Variants in VPS8 observed in about 807,000 individuals in gnomAD.
The protein encoded by VPS8 is vacuolar protein sorting-associated protein 8 homolog.
A neutral mutation model predicts 216.4 loss-of-function variants in VPS8; 129 were observed. The ratio of observed to expected loss-of-function variants is 0.60; its 90% CI spans 0.52 to 0.69. The LOEUF (loss-of-function observed/expected upper bound fraction) is 0.69, where lower values mean the gene tolerates loss of function less well. VPS8 is among the 30% of genes least tolerant of loss of function. VPS8 has a pLI of 0.00. For synonymous variants in VPS8, 571 were observed against 565.4 expected (o/e 1.01, Z -0.14); for missense variants, 1,531 against 1,683.5 (o/e 0.91, Z 1.59).
At chr3:185,047,966 G>GT (rs1328867106) in intron 46 of VPS8, among the ~76,000 whole-genome samples, 2 of 152,306 alleles carry the variant, frequency 1.3e-5, no homozygotes, top group African/African-American at 4.8e-5. Flanking sequence ...CATGGCTGCT[G>GT]TAAGAGCAGG....
In VPS8 at chr3:184,838,694, T is replaced by A. The variant is rs1333959608; in HGVS notation, c.448-20T>A. The A allele has an allele frequency of 4.4e-5, 68 of 1,529,012 alleles. 1 individual carries two copies. The Admixed American group carries it at 1.5e-3, about 33-fold the overall frequency. 94.7% of individuals were successfully genotyped at this position (1,529,012 alleles called of 1,614,324 possible). On this transcript the variant is annotated intron_variant, in intron 5 of 47. Transcript: ENST00000625842. ...AAAATGAGAATATTTTTCAAATACT[T>A]TCTTTAAAATTTCATTTAGGACAAA...
intron 47 of VPS8, 40 bp from the exon 48 acceptor site, chr3:185,051,836 T>A: frequency 6.6e-7 from 1 of 1,526,078 alleles, no homozygotes; most frequent in Non-Finnish European, 8.8e-7. Flanking sequence ...TTCCCTCTGC[T>A]CCCCACAAAC....
At chr3:184,985,276 G>T (rs1409482883) in intron 42 of VPS8, among the ~76,000 whole-genome samples, 1 of 152,194 alleles carries the variant, frequency 6.6e-6, no homozygotes, top group Admixed American at 6.5e-5. Context: ...ATCATTAGCA[G>T]CAGAACCTGG....
At chr3:184,894,524 A>ATATATATATG (rs1448197250) in intron 22 of VPS8, among the ~76,000 whole-genome samples, 179 bp from the exon 23 acceptor site, 1 of 137,772 alleles carries the variant, frequency 7.3e-6, no homozygotes, top group African/African-American at 2.7e-5. Context: ...ATATATATAT[A>ATATATATATG]TATATATACA....
At position 184,947,091 on chromosome 3, in the gene VPS8, G is replaced by A. The variant is rs930891774; in HGVS notation, c.3035+6848G>A. 4.6e-5 allele frequency among the ~76,000 whole-genome samples: 7 copies of A among 152,312 alleles called. No homozygotes were observed. The East Asian group carries it at 1.4e-3, about 29-fold the overall frequency. On this transcript the variant is annotated intron_variant, in intron 36 of 47. Transcript: ENST00000625842. ...TTCCAGCCTAGTAAAAGGTGGAGAC[G>A]TGTGGAGAGATAGTAAAATCTGTTC... is the stretch of plus-strand genomic sequence containing the variant.
chr3:185,024,806 C>G (rs1000635677), intron 46 of VPS8, among the ~76,000 whole-genome samples: 3 of 152,136 alleles, frequency 2.0e-5, no homozygotes, highest in African/African-American at 7.2e-5. Context: ...AGTTCAAGAC[C>G]AGCCTGGCCA....
intron 14 of VPS8, among the ~76,000 whole-genome samples, chr3:184,858,841 TG>T (rs1374340315): frequency 2.0e-5 from 3 of 152,180 alleles, no homozygotes; most frequent in Non-Finnish European, 4.4e-5. Context: ...AGACCACATC[TG>T]CCTCTTCATA....
chr3:184,856,878 C>T (rs1725357974), intron 14 of VPS8, among the ~76,000 whole-genome samples: 1 of 151,922 alleles, frequency 6.6e-6, no homozygotes, highest in Non-Finnish European at 1.5e-5. Flanking sequence ...ACATTCAGCA[C>T]TTAAAAAAAA....
chr3:184,924,516 C>CA (rs1260031999), intron 29 of VPS8, among the ~76,000 whole-genome samples: 6,117 of 138,790 alleles, frequency 0.044, 425 homozygotes, highest in African/African-American at 0.15. Context: ...GACTCCATCT[C>CA]AAAAAAAAAA....
chr3:184,929,715 A>G, intron 33 of VPS8, 51 bp downstream of exon 33: 2 of 1,098,164 alleles, frequency 1.8e-6, no homozygotes, highest in South Asian at 3.4e-5. Context: ...TTTCCCTCTT[A>G]TTGAGTACAA....
chr3:185,041,280 C>T (rs1456225269), intron 46 of VPS8, among the ~76,000 whole-genome samples: 1 of 151,970 alleles, frequency 6.6e-6, no homozygotes, highest in Non-Finnish European at 1.5e-5. Context: ...CATTTATTAG[C>T]TCCCATGCTA....
chr3:185,031,404 G>C (rs1162198737), intron 46 of VPS8, among the ~76,000 whole-genome samples: 1 of 152,082 alleles, frequency 6.6e-6, no homozygotes, highest in African/African-American at 2.4e-5. Flanking sequence ...TGTCTTAATA[G>C]GACTCCAAAT....
At chr3:184,818,957 C>G (rs1716947855) in intron 1 of VPS8, among the ~76,000 whole-genome samples, 1 of 151,918 alleles carries the variant, frequency 6.6e-6, no homozygotes, top group Non-Finnish European at 1.5e-5. Context: ...CGCTTGAGGC[C>G]AGGAGTTTAA....
Position 184,860,007 on chromosome 3 carries a change from C to T in VPS8, c.1166C>T (p.Ala389Val), listed in dbSNP as rs199868333. The T allele has an allele frequency of 5.2e-4, 844 of 1,613,082 alleles. 5 individuals are homozygous for T. The highest frequency in any genetic ancestry group is 6.2e-5 in the Non-Finnish European group (73 of 1,179,410). Residue 389 changes from alanine (A) to valine (V), a missense_variant, in exon 15 of 48, where the codon GCA (alanine) becomes GTA (valine). By Grantham distance (64) the Ala-to-Val change is moderately conservative. Around this residue, in one of 3 missense-constraint regions of VPS8, gnomAD observed 1,318 missense variants for 1,468.4 expected, o/e 0.90. Transcript: ENST00000625842. ...CAGGTAAAGAGAGATGAATCTGGAG[C>T]AATACATGTTACTAAGCAAAAGCAT... ...FLLVKRDESG[A>V]IHVTKQKHLH...
In VPS8 at chr3:184,858,459, A is replaced by T. The variant is rs1725688126; in HGVS notation, c.1144-1526A>T. On this transcript the variant is annotated intron_variant, in intron 14 of 47. Transcript: ENST00000625842. ...AACTGAAGGTCTTGGGAATTTAATC[A>T]TGCCAATGCAGTCTTTTTCACATTA... Among the ~76,000 whole-genome samples, 10 of 152,336 alleles carry T rather than the reference A, an allele frequency of 6.6e-5. No homozygotes were observed. In the South Asian group the frequency reaches 2.1e-3, roughly 32 times the overall value.
chr3:185,001,716 C>T (rs1753450786), intron 45 of VPS8, among the ~76,000 whole-genome samples: 1 of 152,184 alleles, frequency 6.6e-6, no homozygotes, highest in Non-Finnish European at 1.5e-5. Context: ...AGTTCCAAAC[C>T]TCTAACCATG....
In VPS8 at chr3:184,994,067, A is replaced by G; in HGVS notation, c.3666+4A>G. On this transcript the variant is annotated splice_donor_region_variant and intron_variant, in intron 43 of 47. Coordinates refer to ENST00000625842, the MANE Select transcript of VPS8 (RefSeq NM_001009921.3). ...AGATACCTTTAACTATGAACAAGTA[A>G]GTAAGCTACTTGTTACATCTAAGTC... 1 of 1,531,774 alleles carries G rather than the reference A, an allele frequency of 6.5e-7. No homozygotes were observed. Among genetic ancestry groups the G allele is most frequent in the Non-Finnish European group, 8.8e-7 (1 of 1,136,804 alleles). The allele number at this position is 1,531,774 out of a possible 1,614,324, so 94.9% of individuals were successfully genotyped here.
intron 34 of VPS8, 136 bp from the exon 35 acceptor site, chr3:184,936,110 G>A: frequency 3.4e-6 from 2 of 584,140 alleles, no homozygotes; most frequent in East Asian, 2.9e-5. Flanking sequence ...TTAAATTGAG[G>A]CCCTATATCA....
intron 40 of VPS8, among the ~76,000 whole-genome samples, chr3:184,977,884 C>CTTTT (rs55727843): frequency 3.8e-5 from 5 of 131,266 alleles, no homozygotes; most frequent in Admixed American, 1.5e-4. Flanking sequence ...TTTCTTTTTT[C>CTTTT]TTTTTTTTTT....
Sources: allele counts gnomAD v4.1 joint callset (sites outside exome capture counted in the v4.1 genomes callset), GRCh38; gene constraint gnomAD v4.1.1; regional missense constraint gnomAD v4.1.1; transcripts MANE v1.5; gene names NCBI Gene and HGNC (gene_info 2026-07-23, HGNC 2026-07-21).